Variants in RNF17 observed in about 807,000 individuals in gnomAD.
RNF17 encodes ring finger protein 17.
A neutral mutation model predicts 200.5 loss-of-function variants in RNF17; 31 were observed. That is an observed-to-expected ratio of 0.15 (90% CI 0.12 to 0.21). The LOEUF is 0.21. Among genes scored for constraint, RNF17 ranks in the 10% least tolerant of loss-of-function variants. The pLI, the probability that RNF17 is intolerant of heterozygous loss-of-function variation, is 1.00. For missense variants in RNF17, 1,628 were observed against 1,905.1 expected, an observed-to-expected ratio of 0.85 and a Z score of 2.71; for synonymous variants, 606 against 637.8, an observed-to-expected ratio of 0.95 and a Z score of 0.75.
the RNF17 span, chr13:24,885,423 C>T: frequency 7.0e-7 from 1 of 1,428,322 alleles, no homozygotes; most frequent in Non-Finnish European, 9.9e-7. Context: ...CTAAAACCTA[C>T]TCTTACTTCC....
intron 24 of RNF17, among the ~76,000 whole-genome samples, chr13:24,851,870 C>A (rs898225272): frequency 6.6e-6 from 1 of 152,164 alleles, no homozygotes; most frequent in Admixed American, 6.5e-5. Flanking sequence ...GTAGTGGATA[C>A]CAGATCTGAG....
the RNF17 span, among the ~76,000 whole-genome samples, chr13:24,887,624 C>CT: frequency 1.3e-5 from 2 of 152,100 alleles, no homozygotes; most frequent in African/African-American, 4.8e-5. Flanking sequence ...CCCCCTGATT[C>CT]TACATTATGG....
At chr13:24,826,634 A>G (rs1888668996) in intron 16 of RNF17, among the ~76,000 whole-genome samples, 1 of 152,048 alleles carries the variant, frequency 6.6e-6, no homozygotes, top group African/African-American at 2.4e-5. Context: ...TTAGCAAGGC[A>G]TGGTGGTGTG....
At chr13:24,749,307 C>CTTTCTTTTTTTT in the RNF17 span, among the ~76,000 whole-genome samples, 2 of 108,030 alleles carry the variant, frequency 1.9e-5, no homozygotes, top group African/African-American at 6.9e-5. Context: ...TTCTTTCTTT[C>CTTTCTTTTTTTT]TTTTTTTTTT....
chr13:24,874,605 T>A (rs1434041706), intron 33 of RNF17, among the ~76,000 whole-genome samples: 1 of 151,928 alleles, frequency 6.6e-6, no homozygotes, highest in African/African-American at 2.4e-5. Flanking sequence ...AGAGATGGGG[T>A]TTCGCCATGT....
chr13:24,841,817 C>G (rs751499151), intron 18 of RNF17, among the ~76,000 whole-genome samples: 11 of 151,974 alleles, frequency 7.2e-5, no homozygotes, highest in Admixed American at 2.6e-4. Context: ...AAAAAATTAG[C>G]CGGGCGTGGT....
At chr13:24,794,440 G>A (rs184604417) in intron 10 of RNF17, 43 of 302,140 alleles carry the variant, frequency 1.4e-4, no homozygotes, top group Non-Finnish European at 2.7e-4. Flanking sequence ...TTGTGAGGCC[G>A]AGGCACATGG....
intron 16 of RNF17, among the ~76,000 whole-genome samples, chr13:24,828,447 A>G (rs1888994357): frequency 6.6e-6 from 1 of 152,056 alleles, no homozygotes; most frequent in Non-Finnish European, 1.5e-5. Flanking sequence ...TCCCTCCTTG[A>G]AGGCAATTAC....
chr13:24,845,103 CT>C, intron 22 of RNF17, 24 bp downstream of exon 22: 1 of 1,109,964 alleles, frequency 9.0e-7, no homozygotes, highest in Non-Finnish European at 1.3e-6. Flanking sequence ...GAGTAATTTT[CT>C]CATTATTTTA....
chr13:24,750,309 A>T, the RNF17 span, among the ~76,000 whole-genome samples: 1 of 152,194 alleles, frequency 6.6e-6, no homozygotes, highest in Non-Finnish European at 1.5e-5. Context: ...AAACAGCTTT[A>T]CTGAAACATG....
chr13:24,850,167 A>G (rs1200982949), intron 22 of RNF17, among the ~76,000 whole-genome samples, 174 bp from the exon 23 acceptor site: 1 of 152,244 alleles, frequency 6.6e-6, no homozygotes, highest in Admixed American at 6.5e-5. Context: ...AAAAGATAGG[A>G]AAATGAGGGA....
At chr13:24,766,533 C>T (rs1381473347) in intron 1 of RNF17, among the ~76,000 whole-genome samples, 1 of 152,204 alleles carries the variant, frequency 6.6e-6, no homozygotes, top group Non-Finnish European at 1.5e-5. Context: ...TCTGGCCTTG[C>T]CAGTGTCTTA....
In RNF17 at chr13:24,793,035, T is replaced by A; in HGVS notation, c.936-7T>A. The A allele has an allele frequency of 1.4e-5, 21 of 1,532,902 alleles. No homozygotes were observed. The highest frequency in any genetic ancestry group is 1.9e-5 in the Non-Finnish European group (21 of 1,128,698). 95.0% of individuals were successfully genotyped at this position (1,532,902 alleles called of 1,614,324 possible). A position where few individuals can be genotyped will look rare whatever the true frequency, so the allele number is the denominator to read the frequency against. ...TTCATAGCTTATATCTCTGTATTTTTAAACAGATGTTATCCCCAAGAAAAT... is the reference window on the plus strand; with the variant it reads ...TTCATAGCTTATATCTCTGTATTTTAAAACAGATGTTATCCCCAAGAAAAT... On this transcript the variant is annotated splice_polypyrimidine_tract_variant and splice_region_variant and intron_variant, in intron 9 of 35. Coordinates refer to ENST00000255324, the MANE Select transcript of RNF17 (RefSeq NM_031277.3).
At chr13:24,866,637 C>G (rs938403216) in intron 30 of RNF17, among the ~76,000 whole-genome samples, 10 of 152,152 alleles carry the variant, frequency 6.6e-5, no homozygotes, top group African/African-American at 2.4e-4. Flanking sequence ...AATAAAATTC[C>G]ATTGTATGGA....
chr13:24,764,221 G>T lies in RNF17; in HGVS notation c.18G>T (p.Ser6=), dbSNP rs765871437. Residue 6 remains serine, a synonymous_variant, in exon 1 of 36, where the codon TCG becomes TCT. Coordinates refer to ENST00000255324, the MANE Select transcript of RNF17 (RefSeq NM_031277.3). The stretch of plus-strand genomic sequence containing the variant: ...AGACAGCGATGGCGGCAGAGGCTTC[G>T]AAGACTGGGCCTTCTAGGTCTTCCT... The part of the protein sequence containing the change: MAAEA[S]KTGPSRSSYQ... 3.8e-6 allele frequency: 6 copies of T among 1,598,406 alleles called. No individual in the cohort carries two copies. Among genetic ancestry groups the T allele is most frequent in the South Asian group, 1.1e-5 (1 of 90,126 alleles).
chr13:24,866,867 T>C (rs891753724), intron 30 of RNF17, among the ~76,000 whole-genome samples: 2 of 152,324 alleles, frequency 1.3e-5, no homozygotes, highest in Admixed American at 1.3e-4. Flanking sequence ...GGCAGCATCA[T>C]TTTACATGTA....
rs773438760 is a variant in RNF17, at chr13:24,879,283, T to A, written c.4870T>A (p.Ter1624LysextTer7). ...AATGGGGCTTGCAGATAAAGATGAA[T>A]AAGTGCCTAAGTGTAAGTTCTCATT... Reference protein sequence around the residue: ...VEMGLADKDE* With the variant: ...VEMGLADKDEK Residue 1624 changes from the stop codon to lysine (K), a stop_lost, in exon 35 of 36, where the codon TAA becomes AAA. Transcript: ENST00000255324. 5 of 1,585,998 alleles carry A rather than the reference T, an allele frequency of 3.2e-6. No homozygotes were observed. The highest frequency in any genetic ancestry group is 1.7e-6 in the Non-Finnish European group (2 of 1,154,748).
At chr13:24,747,962 A>T in the RNF17 span, among the ~76,000 whole-genome samples, 1 of 152,140 alleles carries the variant, frequency 6.6e-6, no homozygotes, top group East Asian at 1.9e-4. Context: ...TCGGCCCGGT[A>T]CCGGCGTCGG....
At chr13:24,787,639 T>G (rs1883291942) in intron 6 of RNF17, among the ~76,000 whole-genome samples, 1 of 152,166 alleles carries the variant, frequency 6.6e-6, no homozygotes, top group Non-Finnish European at 1.5e-5. Flanking sequence ...CTTAATGTCC[T>G]AAAGAGTCTG....
Sources: allele counts gnomAD v4.1 joint callset (sites outside exome capture counted in the v4.1 genomes callset), GRCh38; gene constraint gnomAD v4.1.1; transcripts MANE v1.5; gene names NCBI Gene and HGNC (gene_info 2026-07-23, HGNC 2026-07-21).